C12orf76: variants seen among roughly 807,000 people sequenced by gnomAD.
C12orf76 encodes the protein chromosome 12 open reading frame 76.
In C12orf76, 6 loss-of-function variants were observed where a neutral mutation model predicts 6.8. The observed-to-expected ratio is 0.88, with a 90% CI of 0.48 to 1.73. The LOEUF (loss-of-function observed/expected upper bound fraction) is 1.73, where lower values mean the gene tolerates loss of function less well. C12orf76 is among the 40% of genes most tolerant of loss of function. The pLI is 0.01. For missense variants in C12orf76, 99 were observed against 98.2 expected (o/e 1.01, Z -0.03); for synonymous variants, 56 against 43.7 (o/e 1.28, Z -1.11).
At chr12:110,055,785 C>A (rs1237534962) in intron 4 of C12orf76, among the ~76,000 whole-genome samples, 4 of 152,150 alleles carry the variant, frequency 2.6e-5, no homozygotes, top group Non-Finnish European at 4.4e-5. Context: ...TCGAAGCTGT[C>A]TTCTTGTGCT....
At chr12:110,052,105 C>G (rs1398048856), upstream of C12orf76, among the ~76,000 whole-genome samples, 9 of 149,264 alleles carry the variant, frequency 6.0e-5, no homozygotes, top group African/African-American at 2.2e-4. Flanking sequence ...ACCGTATTGG[C>G]TATGATGGTC....
At chr12:110,044,797 A>C (rs1332106960) in intron 1 of C12orf76, among the ~76,000 whole-genome samples, 1 of 152,032 alleles carries the variant, frequency 6.6e-6, no homozygotes, top group Non-Finnish European at 1.5e-5. Flanking sequence ...AACATGGAGA[A>C]ACCCTGTCTC....
In C12orf76 at chr12:110,046,286, C is replaced by T. The variant is rs146526732; in HGVS notation, c.133+2077G>A. ...ACTAAAAATACAAAAATTACCTGGG[C>T]GTGGTGGCACACGCCTGTGGTCCCA... On this transcript the variant is annotated intron_variant, in intron 1 of 1. Coordinates refer to ENST00000615315, the MANE Select transcript of C12orf76 (RefSeq NM_001389625.1). 5.6e-3 allele frequency among the ~76,000 whole-genome samples: 851 copies of T among 152,246 alleles called. 3 individuals carry two copies. The highest frequency in any genetic ancestry group is 0.01 in the Middle Eastern group (3 of 294).
intron 1 of C12orf76, chr12:110,045,997 A>G: frequency 5.5e-6 from 1 of 180,724 alleles, no homozygotes; most frequent in Non-Finnish European, 1.2e-5. Flanking sequence ...AAGGAGCTTA[A>G]AACCATGAGT....
intron 1 of C12orf76, among the ~76,000 whole-genome samples, chr12:110,073,220 T>G (rs1469344277): frequency 6.6e-6 from 1 of 152,158 alleles, no homozygotes; most frequent in African/African-American, 2.4e-5. Context: ...CCGCTCGCCT[T>G]CCATGGCTTC....
rs1892370657 is a variant in C12orf76 at position 110,043,519 on chromosome 12, T to C, written c.134-1060A>G. Among the ~76,000 whole-genome samples the C allele has an allele frequency of 2.0e-5, 3 of 152,164 alleles. No homozygotes were observed. In the South Asian group the frequency reaches 6.2e-4, roughly 32 times the overall value. On this transcript the variant is annotated intron_variant, in intron 1 of 1. Transcript: ENST00000615315. ...AAGTATTTCAGTCTCAAGATGAGTCTTGACAGGGCCTTTTGAGCAAAGAAG... is the reference window on the plus strand; with the variant it reads ...AAGTATTTCAGTCTCAAGATGAGTCCTGACAGGGCCTTTTGAGCAAAGAAG...
intron 2 of C12orf76, among the ~76,000 whole-genome samples, chr12:110,061,549 T>C (rs79162740): frequency 9.9e-4 from 151 of 151,938 alleles, no homozygotes; most frequent in African/African-American, 3.5e-3. Context: ...TTTTTTTTTT[T>C]TTCTTGAAAC....
intron 1 of C12orf76, among the ~76,000 whole-genome samples, chr12:110,072,734 C>A (rs1892974592): frequency 6.6e-6 from 1 of 151,920 alleles, no homozygotes. Context: ...ACCAGCCTGG[C>A]CAACATGGCG....
chr12:110,045,568 G>A (rs559432350), intron 1 of C12orf76, among the ~76,000 whole-genome samples: 1 of 152,006 alleles, frequency 6.6e-6, no homozygotes, highest in Non-Finnish European at 1.5e-5. Context: ...TGGCAACAGA[G>A]CGAGACTCCA....
intron 3 of C12orf76, chr12:110,058,865 C>T: frequency 1.7e-6 from 2 of 1,153,628 alleles, no homozygotes; most frequent in Non-Finnish European, 1.2e-6. Context: ...TATGTCCTTA[C>T]CATGTGCCAA....
Position 110,048,447 on chromosome 12 carries a change from GGAGGCT to G in C12orf76, c.43_48del (p.Ser15_Leu16del). On this transcript the variant is annotated inframe_deletion, in exon 1 of 2. Coordinates refer to ENST00000615315, the MANE Select transcript of C12orf76 (RefSeq NM_001389625.1). ...CTCGGGGCCTCTGCCTCCCCCACCAGGAGGCTGCAGAGGCCAAGGTACAGCCACGGT... is the reference window on the plus strand; with the variant it reads ...CTCGGGGCCTCTGCCTCCCCCACCAGGCAGAGGCCAAGGTACAGCCACGGT... The G allele has an allele frequency of 6.6e-7, 1 of 1,506,490 alleles. No homozygotes were observed. Among genetic ancestry groups the G allele is most frequent in the East Asian group, 2.7e-5 (1 of 37,712 alleles). The allele number at this position is 1,506,490 out of a possible 1,614,324, so 93.3% of individuals were successfully genotyped here.
chr12:110,052,235 C>T (rs377606073), upstream of C12orf76, among the ~76,000 whole-genome samples: 4 of 151,792 alleles, frequency 2.6e-5, no homozygotes, highest in Admixed American at 6.6e-5. Flanking sequence ...GCTCTGTTGC[C>T]CAGGCTGGAG....
chr12:110,047,477 C>T (rs1892479453), intron 1 of C12orf76, among the ~76,000 whole-genome samples: 1 of 152,120 alleles, frequency 6.6e-6, no homozygotes, highest in South Asian at 2.1e-4. Flanking sequence ...TTGCTTGAGC[C>T]CAAGAGTTCG....
chr12:110,059,343 A>G (rs1333871816), intron 2 of C12orf76, among the ~76,000 whole-genome samples: 1 of 152,222 alleles, frequency 6.6e-6, no homozygotes, highest in Non-Finnish European at 1.5e-5. Flanking sequence ...ATTCTTTGCC[A>G]TCTGGATGCC....
chr12:110,061,963 T>C (rs546856279), intron 2 of C12orf76, among the ~76,000 whole-genome samples: 1 of 152,174 alleles, frequency 6.6e-6, no homozygotes, highest in Non-Finnish European at 1.5e-5. Flanking sequence ...TTGTTTCTTC[T>C]GTAATAAGAG....
In C12orf76 at chr12:110,048,429, C is replaced by A; in HGVS notation, c.67G>T (p.Ala23Ser). ...TCCAGCGGATCCACGGGGCTCGGGG[C>A]CTCTGCCTCCCCCACCAGGAGGCTG... ...LCSLLVGEAE[A>S]PSPVDPLERS... Residue 23 changes from alanine (A) to serine (S), a missense_variant, in exon 1 of 2, where the codon GCC becomes TCC. By Grantham distance (99) the Ala-to-Ser change is moderately conservative. Coordinates refer to ENST00000615315, the MANE Select transcript of C12orf76 (RefSeq NM_001389625.1). 1 of 1,510,454 alleles carries A rather than the reference C, an allele frequency of 6.6e-7. No individual in the cohort carries two copies. The highest frequency in any genetic ancestry group is 8.8e-7 in the Non-Finnish European group (1 of 1,134,470). The allele number at this position is 1,510,454 out of a possible 1,614,324, so 93.6% of individuals were successfully genotyped here. A position where few individuals can be genotyped will look rare whatever the true frequency, so the allele number is the denominator to read the frequency against.
At chr12:110,046,149 C>T (rs138394310) in intron 1 of C12orf76, among the ~76,000 whole-genome samples, 77 of 152,044 alleles carry the variant, frequency 5.1e-4, no homozygotes, top group African/African-American at 1.7e-3. Context: ...TGTTTTAGGG[C>T]GGGCGTGGTG....
At chr12:110,042,885 C>T (rs1018278941) in intron 1 of C12orf76, among the ~76,000 whole-genome samples, 9 of 151,814 alleles carry the variant, frequency 5.9e-5, no homozygotes, top group Admixed American at 4.6e-4. Context: ...TGGTGAAACC[C>T]CGTCTCTACT....
chr12:110,048,590 A>G (rs1171211448), upstream of C12orf76: 2 of 1,323,812 alleles, frequency 1.5e-6, no homozygotes, highest in Admixed American at 4.0e-5. Context: ...CACCGCCCTT[A>G]GGGCGCGCGT....
Sources: allele counts gnomAD v4.1 joint callset (sites outside exome capture counted in the v4.1 genomes callset), GRCh38; gene constraint gnomAD v4.1.1; transcripts MANE v1.5; gene names NCBI Gene and HGNC (gene_info 2026-07-23, HGNC 2026-07-21).